The following AK8 variants were observed in gnomAD, a reference collection of about 807,000 sequenced individuals.
The protein encoded by AK8 is ATP-AMP transphosphorylase 8.
A neutral mutation model predicts 54.6 loss-of-function variants in AK8; 44 were observed. The observed-to-expected ratio is 0.81, with a 90% CI of 0.63 to 1.04. The LOEUF (loss-of-function observed/expected upper bound fraction) is 1.04, where lower values mean the gene tolerates loss of function less well. Among genes scored for constraint, AK8 ranks in the 50% least tolerant of loss-of-function variants. AK8 has a pLI of 0.00. For synonymous variants in AK8, 239 were observed against 245.6 expected (o/e 0.97, Z 0.25); for missense variants, 555 against 613.6 (o/e 0.90, Z 1.01).
At chr9:132,864,333 C>G (rs1843505725) in intron 3 of AK8, among the ~76,000 whole-genome samples, 1 of 152,218 alleles carries the variant, frequency 6.6e-6, no homozygotes, top group Non-Finnish European at 1.5e-5. Context: ...CGAGATGGTT[C>G]TGAAGGCCCT....
At chr9:132,725,950 T>C (rs1379289192) in intron 12 of AK8, 25 bp from the exon 13 acceptor site, 1 of 1,602,532 alleles carries the variant, frequency 6.2e-7, no homozygotes, top group East Asian at 2.2e-5. Flanking sequence ...GGAAAGCAGG[T>C]GACCCATGGC....
intron 9 of AK8, among the ~76,000 whole-genome samples, chr9:132,821,325 G>A (rs1392646924): frequency 6.6e-6 from 1 of 152,128 alleles, no homozygotes; most frequent in East Asian, 1.9e-4. Context: ...GTAAGCAAGT[G>A]ATGCCGCCAC....
intron 11 of AK8, among the ~76,000 whole-genome samples, chr9:132,774,959 A>G (rs747688350): frequency 7.2e-5 from 11 of 152,252 alleles, no homozygotes; most frequent in Non-Finnish European, 1.3e-4. Flanking sequence ...CGCTTTGCCA[A>G]TGAAGAGTTG....
At position 132,860,334 on chromosome 9, in the gene AK8, T is replaced by C. The variant is rs1843335397; in HGVS notation, c.333+3331A>G. ...GGTGTGATAATGTGTCTCTATGCGT[T>C]TACTGAAAAAGGGCCCTTATCTTTG... On this transcript the variant is annotated intron_variant, in intron 4 of 12. Transcript: ENST00000298545. The surrounding 1 kb of genome is among the most constrained non-coding windows in gnomAD (Gnocchi z 4.4). 1.3e-5 allele frequency among the ~76,000 whole-genome samples: 2 copies of C among 152,100 alleles called. No individual in the cohort carries two copies. The highest frequency in any genetic ancestry group is 4.8e-5 in the African/African-American group (2 of 41,416).
chr9:132,876,809 T>C (rs1329348940), intron 1 of AK8, among the ~76,000 whole-genome samples: 1 of 152,092 alleles, frequency 6.6e-6, no homozygotes, highest in African/African-American at 2.4e-5. Flanking sequence ...ACTGAAAGCT[T>C]TCTTGTTGGG....
At chr9:132,726,000 C>T in intron 12 of AK8, 75 bp from the exon 13 acceptor site, 2 of 1,382,074 alleles carry the variant, frequency 1.4e-6, no homozygotes, top group South Asian at 1.3e-5. Flanking sequence ...CTCTACTCTA[C>T]TGTGGACCAA....
At chr9:132,864,606 T>C (rs138703149) in intron 3 of AK8, among the ~76,000 whole-genome samples, 12 of 152,306 alleles carry the variant, frequency 7.9e-5, no homozygotes, top group African/African-American at 2.6e-4. Context: ...CCTTTTTGAC[T>C]GTACATCATA....
chr9:132,828,166 C>T (rs922911811), intron 6 of AK8, 82 bp from the exon 7 acceptor site: 12 of 1,283,214 alleles, frequency 9.4e-6, no homozygotes, highest in Admixed American at 9.3e-5. Context: ...CCAATACTTG[C>T]TTTACGTTTT....
intron 11 of AK8, among the ~76,000 whole-genome samples, chr9:132,762,730 C>A (rs374903680): frequency 1.3e-5 from 2 of 152,048 alleles, no homozygotes; most frequent in Non-Finnish European, 2.9e-5. Context: ...ATGGAGAAAC[C>A]CTGTCTCTAC....
chr9:132,764,024 G>A (rs1838606774), intron 11 of AK8, among the ~76,000 whole-genome samples: 1 of 152,200 alleles, frequency 6.6e-6, no homozygotes, highest in East Asian at 1.9e-4. Context: ...AGCAGGCTAG[G>A]AGCAATGGCT....
In AK8 at chr9:132,748,101, G is replaced by GAAAT. The variant is rs112932230; in HGVS notation, c.1122-20571_1122-20568dup. 3.6e-3 allele frequency among the ~76,000 whole-genome samples: 546 copies of GAAAT among 151,628 alleles called. 3 individuals are homozygous for GAAAT. Among genetic ancestry groups the GAAAT allele is most frequent in the African/African-American group, 0.011 (470 of 41,406 alleles). ...GCAACAAGAGTGAAACTCTGTCTCA[G>GAAAT]AAATAAATAAATAAATAAATAAACA... is the stretch of plus-strand genomic sequence containing the variant. On this transcript the variant is annotated intron_variant, in intron 11 of 12. Coordinates refer to ENST00000298545, the MANE Select transcript of AK8 (RefSeq NM_152572.3).
chr9:132,868,864 G>A (rs1432802807), intron 2 of AK8, among the ~76,000 whole-genome samples: 1 of 152,116 alleles, frequency 6.6e-6, no homozygotes, highest in African/African-American at 2.4e-5. Context: ...TTGGGTACAA[G>A]TGCAGAAACT....
intron 11 of AK8, among the ~76,000 whole-genome samples, chr9:132,739,296 G>A (rs1267451141): frequency 2.0e-5 from 3 of 151,338 alleles, no homozygotes; most frequent in Non-Finnish European, 2.9e-5. Flanking sequence ...CTAAAGATAA[G>A]CCAGGTGTGA....
intron 11 of AK8, among the ~76,000 whole-genome samples, chr9:132,759,502 G>A (rs1261223375): frequency 1.3e-5 from 2 of 152,076 alleles, no homozygotes; most frequent in African/African-American, 4.8e-5. Flanking sequence ...CTTATTTTAG[G>A]AAGACTTCTG....
rs1016643778 is a variant in AK8 at position 132,740,717 on chromosome 9, C to G, written c.1122-13183G>C. The stretch of plus-strand genomic sequence containing the variant: ...TCCAGTCTTAGAGCTGAGCACCCCC[C>G]CGCCCCACTCTGGGGCTGCATCCCT... On this transcript the variant is annotated intron_variant, in intron 11 of 12. Coordinates refer to ENST00000298545, the MANE Select transcript of AK8 (RefSeq NM_152572.3). Among the ~76,000 whole-genome samples, 19 of 152,216 alleles carry G rather than the reference C, an allele frequency of 1.2e-4. No homozygotes were observed. In the East Asian group the frequency reaches 3.5e-3, roughly 28 times the overall value.
At chr9:132,747,437 G>A (rs1031740933) in intron 11 of AK8, among the ~76,000 whole-genome samples, 7 of 150,638 alleles carry the variant, frequency 4.6e-5, no homozygotes, top group African/African-American at 1.5e-4. Context: ...ACAGGCATAA[G>A]GCACTGCACC....
chr9:132,737,373 G>A (rs903973310), intron 11 of AK8, among the ~76,000 whole-genome samples: 2 of 152,118 alleles, frequency 1.3e-5, no homozygotes, highest in African/African-American at 2.4e-5. Flanking sequence ...AATAGAGGAA[G>A]GAATACTGAT....
chr9:132,818,521 C>T (rs1841434237), intron 9 of AK8, among the ~76,000 whole-genome samples: 1 of 151,828 alleles, frequency 6.6e-6, no homozygotes, highest in Admixed American at 6.6e-5. Context: ...CTGGGACAAG[C>T]AAAAGATGCA....
chr9:132,786,675 C>T lies in AK8; in HGVS notation c.1121+5959G>A, dbSNP rs1839721583. Among the ~76,000 whole-genome samples the T allele has an allele frequency of 2.0e-5, 3 of 152,198 alleles. No homozygotes were observed. The South Asian group carries it at 6.2e-4, about 31-fold the overall frequency. On this transcript the variant is annotated intron_variant, in intron 11 of 12. Transcript: ENST00000298545. ...GAAGACTAAACCTGTGGGCTCTTTC[C>T]ATGCACTCAGAGCTTCCAAATCGCT...
Sources: allele counts gnomAD v4.1 joint callset (sites outside exome capture counted in the v4.1 genomes callset), GRCh38; gene constraint gnomAD v4.1.1; non-coding constraint Gnocchi (gnomAD v3.1); transcripts MANE v1.5; gene names NCBI Gene and HGNC (gene_info 2026-07-23, HGNC 2026-07-21).